Variants in PARVB observed in about 807,000 individuals in gnomAD.
PARVB encodes beta-parvin.
A neutral mutation model predicts 47.0 loss-of-function variants in PARVB; 46 were observed. That is an observed-to-expected ratio of 0.98 (90% CI 0.77 to 1.25). The LOEUF is 1.25. Ranked by LOEUF, PARVB falls within the 50% of genes most tolerant of loss-of-function variation. PARVB has a pLI of 0.00. For missense variants in PARVB, 473 were observed against 471.6 expected, an observed-to-expected ratio of 1.00 and a Z score of -0.03; for synonymous variants, 196 against 196.3, an observed-to-expected ratio of 1.00 and a Z score of 0.01.
In PARVB at chr22:44,049,324, C is replaced by T. The variant is rs922759268; in HGVS notation, c.112+24873C>T. 1.3e-5 allele frequency among the ~76,000 whole-genome samples: 2 copies of T among 152,188 alleles called. No individual in the cohort carries two copies. The highest frequency in any genetic ancestry group is 4.8e-5 in the African/African-American group (2 of 41,524). ...CGTAGACAATCAGCAAAGCTAGGGA[C>T]CCGTTTTCTCCTCCCAGCCCCCTTT... On this transcript the variant is annotated intron_variant, in intron 1 of 12. Coordinates refer to ENST00000338758, the MANE Select transcript of PARVB (RefSeq NM_013327.5). The surrounding 1 kb of genome is among the most constrained non-coding windows in gnomAD (Gnocchi z 4.0).
intron 8 of PARVB, chr22:44,140,496 G>T (rs780855182): frequency 1.6e-6 from 1 of 606,306 alleles, no homozygotes; most frequent in Non-Finnish European, 3.2e-6. Flanking sequence ...GCCAGCACAT[G>T]GAGCGTCGTT....
In PARVB at chr22:44,125,900, C is replaced by G. The variant is rs185723634; in HGVS notation, c.377-5587C>G. Among the ~76,000 whole-genome samples, 8 of 152,230 alleles carry G rather than the reference C, an allele frequency of 5.3e-5. No individual in the cohort carries two copies. In the East Asian group the frequency reaches 1.5e-3, roughly 29 times the overall value. ...GGCATCTGATGAAGTAGCTCAGCCC[C>G]CAGAGTGGAAGGGCAGACATGGGGA... On this transcript the variant is annotated intron_variant, in intron 4 of 12. Transcript: ENST00000338758. This position sits in a 1 kb window ranked among gnomAD's most constrained non-coding sequence, Gnocchi z 4.1.
In PARVB at chr22:44,157,967, A is replaced by G. The variant is rs1185158102; in HGVS notation, c.844-15A>G. 1.9e-6 allele frequency: 3 copies of G among 1,594,974 alleles called. No individual in the cohort carries two copies. The highest frequency in any genetic ancestry group is 3.3e-5 in the Admixed American group (2 of 59,946). On this transcript the variant is annotated splice_polypyrimidine_tract_variant and intron_variant, in intron 10 of 12. Transcript: ENST00000338758. ...CCTTACCCTGCCCGGAAACATCACA[A>G]GTCTTTCTCTGCAGTTTGCAGATGG...
chr22:44,062,799 G>A (rs2051444443), intron 1 of PARVB, among the ~76,000 whole-genome samples: 1 of 152,210 alleles, frequency 6.6e-6, no homozygotes, highest in Non-Finnish European at 1.5e-5. Context: ...TGGAGTTGGG[G>A]TGTGCCACCC....
At chr22:44,051,128 C>T (rs1021473340) in intron 1 of PARVB, among the ~76,000 whole-genome samples, 8 of 152,208 alleles carry the variant, frequency 5.3e-5, no homozygotes, top group Non-Finnish European at 1.0e-4. Flanking sequence ...CAGAGATCTC[C>T]CGTGACAGAG....
chr22:44,061,431 A>AAAAAC (rs137915447), intron 1 of PARVB, among the ~76,000 whole-genome samples: 7,961 of 150,008 alleles, frequency 0.053, 259 homozygotes, highest in East Asian at 0.12. Context: ...ACTTCATCTC[A>AAAAAC]AAAACAAAAC....
intron 1 of PARVB, among the ~76,000 whole-genome samples, chr22:44,043,457 C>T (rs567867464): frequency 6.6e-6 from 1 of 152,244 alleles, no homozygotes; most frequent in Admixed American, 6.5e-5. Context: ...CAGCTCACTG[C>T]AAGCTCCGCC....
At chr22:44,052,873 G>A (rs1601531124) in intron 1 of PARVB, among the ~76,000 whole-genome samples, 1 of 152,120 alleles carries the variant, frequency 6.6e-6, no homozygotes, top group Non-Finnish European at 1.5e-5. Context: ...AGCTCAGGAG[G>A]TTGAGGCCAC....
intron 10 of PARVB, among the ~76,000 whole-genome samples, chr22:44,154,383 C>T (rs945491790): frequency 7.2e-5 from 11 of 152,122 alleles, no homozygotes; most frequent in African/African-American, 2.7e-4. Context: ...AAATCATTAA[C>T]GTCTTGATGC....
At chr22:44,131,719 A>G (rs914079533) in intron 5 of PARVB, 92 bp downstream of exon 5, 25 of 1,378,004 alleles carry the variant, frequency 1.8e-5, no homozygotes, top group Middle Eastern at 2.6e-4. Context: ...ATTCATCATC[A>G]TCCCATCTGG....
intron 3 of PARVB, chr22:44,112,327 A>C (rs1054735071): frequency 3.3e-5 from 5 of 151,932 alleles, no homozygotes; most frequent in Admixed American, 3.3e-4. Context: ...TCTGGGGGGA[A>C]TACCCTGACC....
chr22:44,146,921 GC>G (rs1314096181), intron 8 of PARVB: 1 of 152,484 alleles, frequency 6.6e-6, no homozygotes, highest in African/African-American at 2.4e-5. Flanking sequence ...GGGGCCCTGG[GC>G]CCCTTCCAAA....
intron 8 of PARVB, chr22:44,143,522 C>T (rs968672602): frequency 6.6e-6 from 1 of 152,328 alleles, no homozygotes; most frequent in Non-Finnish European, 1.5e-5. Context: ...GGCAGACCCT[C>T]CTTGGCTAAT....
intron 3 of PARVB, among the ~76,000 whole-genome samples, chr22:44,118,563 G>A (rs1569130777): frequency 6.6e-6 from 1 of 152,182 alleles, no homozygotes; most frequent in Admixed American, 6.5e-5. Flanking sequence ...ATATCTTGTG[G>A]GTCACCTTGA....
chr22:44,061,726 C>G (rs563638217), intron 1 of PARVB, among the ~76,000 whole-genome samples: 15 of 149,702 alleles, frequency 1.0e-4, no homozygotes, highest in African/African-American at 3.7e-4. Flanking sequence ...AAGCAATTCT[C>G]CAGCCTCAGC....
At chr22:44,168,358 T>G in intron 12 of PARVB, 2 of 488,082 alleles carry the variant, frequency 4.1e-6, no homozygotes, top group Non-Finnish European at 7.5e-6. Flanking sequence ...GTGTCTCTGT[T>G]CTTGTCACCC....
At chr22:44,080,717 C>T (rs1196270503) in intron 1 of PARVB, among the ~76,000 whole-genome samples, 1 of 152,158 alleles carries the variant, frequency 6.6e-6, no homozygotes, top group African/African-American at 2.4e-5. Context: ...GAAAGTACAT[C>T]CTTTGAGTTT....
intron 2 of PARVB, among the ~76,000 whole-genome samples, chr22:44,098,058 G>A (rs1004448954): frequency 4.6e-5 from 7 of 152,196 alleles, no homozygotes; most frequent in Non-Finnish European, 7.4e-5. Context: ...TGAGCTGGGC[G>A]GGCCCGAATC....
At chr22:44,032,107 A>G (rs923602087) in intron 1 of PARVB, among the ~76,000 whole-genome samples, 5 of 152,186 alleles carry the variant, frequency 3.3e-5, no homozygotes, top group African/African-American at 1.2e-4. Context: ...GCTTATCCAT[A>G]CTAATTGCTG....
Sources: allele counts gnomAD v4.1 joint callset (sites outside exome capture counted in the v4.1 genomes callset), GRCh38; gene constraint gnomAD v4.1.1; non-coding constraint Gnocchi (gnomAD v3.1); transcripts MANE v1.5; gene names NCBI Gene and HGNC (gene_info 2026-07-23, HGNC 2026-07-21).